Variants in CPEB3 observed in about 807,000 individuals in gnomAD.
CPEB3 encodes cytoplasmic polyadenylation element binding protein 3, also known as cytoplasmic polyadenylation element-binding protein 3.
In CPEB3, 20 loss-of-function variants were observed where a neutral mutation model predicts 67.2. The observed-to-expected ratio is 0.30, with a 90% CI of 0.21 to 0.43. The LOEUF (loss-of-function observed/expected upper bound fraction) is 0.43. Among genes scored for constraint, CPEB3 ranks in the 20% least tolerant of loss-of-function variants. The probability of loss-of-function intolerance (pLI) is 1.00; values close to 1 mark genes in which losing one functional copy is unlikely to be tolerated. For missense variants in CPEB3, 746 were observed against 968.6 expected (o/e 0.77, Z 3.05); for synonymous variants, 376 against 393.1 (o/e 0.96, Z 0.51).
intron 6 of CPEB3, among the ~76,000 whole-genome samples, chr10:92,141,550 G>A (rs1846422709): frequency 1.3e-5 from 2 of 151,860 alleles, no homozygotes; most frequent in East Asian, 1.9e-4. Context: ...GTTAATGGGT[G>A]CAGCACACCA....
At chr10:92,197,315 G>A (rs1590361657) in intron 2 of CPEB3, among the ~76,000 whole-genome samples, 1 of 152,048 alleles carries the variant, frequency 6.6e-6, no homozygotes, top group South Asian at 2.1e-4. Flanking sequence ...AAACGTTGCT[G>A]AAATAAGTGA....
intron 8 of CPEB3, among the ~76,000 whole-genome samples, chr10:92,081,981 A>G (rs1843170376): frequency 6.6e-6 from 1 of 152,236 alleles, no homozygotes; most frequent in African/African-American, 2.4e-5. Context: ...TTTTAACTAG[A>G]GACAATTTGT....
At chr10:92,228,080 C>CT (rs1380358250) in intron 2 of CPEB3, among the ~76,000 whole-genome samples, 2 of 151,760 alleles carry the variant, frequency 1.3e-5, no homozygotes, top group Non-Finnish European at 2.9e-5. Context: ...TAGAGACAGG[C>CT]TCTCACCATG....
At chr10:92,182,825 C>CAAAAAAA (rs781545538) in intron 3 of CPEB3, among the ~76,000 whole-genome samples, 1 of 49,148 alleles carries the variant, frequency 2.0e-5, no homozygotes, top group Non-Finnish European at 4.5e-5. Context: ...GACTCCGTCT[C>CAAAAAAA]AAAAAAAAAA....
intron 3 of CPEB3, among the ~76,000 whole-genome samples, chr10:92,186,950 A>C (rs1235205210): frequency 2.6e-5 from 4 of 152,348 alleles, no homozygotes; most frequent in Middle Eastern, 3.4e-3. Flanking sequence ...ATGGGCTATC[A>C]AGGGAAATAA....
chr10:92,266,488 A>G (rs1853062734), intron 1 of CPEB3, among the ~76,000 whole-genome samples: 1 of 152,128 alleles, frequency 6.6e-6, no homozygotes, highest in Admixed American at 6.5e-5. Context: ...TCATTAATTC[A>G]ATACATTTAC....
chr10:92,239,973 C>T lies in CPEB3; in HGVS notation c.378G>A (p.Gly126=). The T allele has an allele frequency of 6.2e-7, 1 of 1,612,992 alleles. No homozygotes were observed. Among genetic ancestry groups the T allele is most frequent in the African/African-American group, 1.3e-5 (1 of 74,986 alleles). ...GCATGGTCCCGTTGACTGGGGTGATCCCCTGGAAGAAGCTGTCCTCTACCG... is the reference window on the plus strand; with the variant it reads ...GCATGGTCCCGTTGACTGGGGTGATTCCCTGGAAGAAGCTGTCCTCTACCG... ...TNAVEDSFFQ[G]ITPVNGTMLF... is the part of the protein sequence containing the mutation. The change falls in exon 2 of 10, where the codon GGG becomes GGA. Residue 126 remains glycine (G), a synonymous_variant. Coordinates refer to ENST00000265997, the MANE Select transcript of CPEB3 (RefSeq NM_014912.5). This position sits in a 1 kb window ranked among gnomAD's most constrained non-coding sequence, Gnocchi z 6.0.
chr10:92,258,681 T>A (rs1287322771), intron 1 of CPEB3, among the ~76,000 whole-genome samples: 1 of 126,276 alleles, frequency 7.9e-6, no homozygotes, highest in African/African-American at 3.1e-5. Context: ...TATATATATT[T>A]CATGTATTTG....
chr10:92,135,413 C>T (rs1403921774), intron 6 of CPEB3, among the ~76,000 whole-genome samples: 1 of 152,186 alleles, frequency 6.6e-6, no homozygotes, highest in East Asian at 1.9e-4. Flanking sequence ...TGAAAAAATG[C>T]TCATCATCGC....
At chr10:92,093,728 T>G (rs1457511942) in intron 7 of CPEB3, among the ~76,000 whole-genome samples, 1 of 152,086 alleles carries the variant, frequency 6.6e-6, no homozygotes, top group East Asian at 1.9e-4. Context: ...TCTCAAACTC[T>G]TGACCTGAGG....
chr10:92,123,787 G>A (rs1845497562), intron 6 of CPEB3, among the ~76,000 whole-genome samples: 1 of 152,130 alleles, frequency 6.6e-6, no homozygotes, highest in Non-Finnish European at 1.5e-5. Context: ...AGTTCTTAAT[G>A]CTGTTTCAAA....
rs1414499238 is a variant in CPEB3 at position 92,261,459 on chromosome 10, G to GT, written c.-11-21099dup. On this transcript the variant is annotated intron_variant, in intron 1 of 9. Coordinates refer to ENST00000265997, the MANE Select transcript of CPEB3 (RefSeq NM_014912.5). ...TTTCTGTTTTGTTTTGTTTTGTTTT[G>GT]TTTTTTTGAGACACAGTCTCACTTT... Among the ~76,000 whole-genome samples, 7 of 151,998 alleles carry GT rather than the reference G, an allele frequency of 4.6e-5. No individual in the cohort carries two copies. In the East Asian group the frequency reaches 1.4e-3, roughly 29 times the overall value.
At chr10:92,225,377 G>A (rs755907397) in intron 2 of CPEB3, among the ~76,000 whole-genome samples, 11 of 152,042 alleles carry the variant, frequency 7.2e-5, no homozygotes, top group Non-Finnish European at 1.3e-4. Context: ...TTCAATATTC[G>A]AAAACTGAAA....
At chr10:92,121,490 C>T (rs1469400965) in intron 6 of CPEB3, among the ~76,000 whole-genome samples, 4 of 150,594 alleles carry the variant, frequency 2.7e-5, no homozygotes, top group Admixed American at 1.3e-4. Flanking sequence ...TAGGTGTTCA[C>T]TGTATTATTC....
At chr10:92,073,330 C>T (rs926257732) in intron 9 of CPEB3, among the ~76,000 whole-genome samples, 7 of 151,680 alleles carry the variant, frequency 4.6e-5, no homozygotes, top group Admixed American at 2.0e-4. Context: ...TGAGCCAGTG[C>T]GCCTGGCCGT....
At chr10:92,280,656 A>G (rs1284063807) in intron 1 of CPEB3, among the ~76,000 whole-genome samples, 20 of 87,298 alleles carry the variant, frequency 2.3e-4, no homozygotes, top group African/African-American at 5.1e-4. Flanking sequence ...CCGAGAGTGA[A>G]AAAAAAAAAA....
At chr10:92,116,076 G>A (rs1311380637) in intron 6 of CPEB3, among the ~76,000 whole-genome samples, 3 of 151,002 alleles carry the variant, frequency 2.0e-5, no homozygotes, top group Non-Finnish European at 4.4e-5. Flanking sequence ...TCAAACTTAG[G>A]AGAGTAGGAG....
chr10:92,215,494 T>C (rs1850316904), intron 2 of CPEB3, among the ~76,000 whole-genome samples: 1 of 150,070 alleles, frequency 6.7e-6, no homozygotes, highest in Non-Finnish European at 1.5e-5. Context: ...CAGGCTGCAG[T>C]GCAGTGGTGT....
chr10:92,206,791 G>A (rs1484426739), intron 2 of CPEB3, among the ~76,000 whole-genome samples: 1 of 152,070 alleles, frequency 6.6e-6, no homozygotes, highest in African/African-American at 2.4e-5. Flanking sequence ...TTTCACTTAA[G>A]TAAACCGTTT....
Sources: allele counts gnomAD v4.1 joint callset (sites outside exome capture counted in the v4.1 genomes callset), GRCh38; gene constraint gnomAD v4.1.1; non-coding constraint Gnocchi (gnomAD v3.1); transcripts MANE v1.5; gene names NCBI Gene and HGNC (gene_info 2026-07-23, HGNC 2026-07-21).